The following RASGEF1C variants were observed in gnomAD, a reference collection of about 807,000 sequenced individuals.
RASGEF1C encodes ras-GEF domain-containing family member 1C.
In RASGEF1C, 27 loss-of-function variants were observed where a neutral mutation model predicts 58.1. The observed-to-expected ratio is 0.46, with a 90% CI of 0.34 to 0.64. The LOEUF (loss-of-function observed/expected upper bound fraction) is 0.64. Ranked by LOEUF, RASGEF1C falls within the 30% of genes least tolerant of loss-of-function variation. The probability of loss-of-function intolerance (pLI) is 0.01; values close to 1 mark genes in which losing one functional copy is unlikely to be tolerated. For missense variants in RASGEF1C, 502 were observed against 605.1 expected (o/e 0.83, Z 1.79); for synonymous variants, 243 against 246.3 (o/e 0.99, Z 0.13).
chr5:180,119,662 G>C (rs936497462), intron 7 of RASGEF1C, among the ~76,000 whole-genome samples: 2 of 152,078 alleles, frequency 1.3e-5, no homozygotes, highest in Non-Finnish European at 2.9e-5. Context: ...TGGGGGCACG[G>C]GTACCCCCTG....
intron 1 of RASGEF1C, among the ~76,000 whole-genome samples, chr5:180,206,110 G>T (rs1005813480): frequency 1.3e-5 from 2 of 152,186 alleles, no homozygotes; most frequent in African/African-American, 4.8e-5. Flanking sequence ...AGACAGACCT[G>T]TGAGACACAC....
intron 1 of RASGEF1C, among the ~76,000 whole-genome samples, chr5:180,200,836 G>A (rs1756382404): frequency 6.6e-6 from 1 of 152,160 alleles, no homozygotes; most frequent in African/African-American, 2.4e-5. Flanking sequence ...CCAACCTTCA[G>A]AACCGGCTCC....
At chr5:180,142,666 A>T (rs575648813) in intron 1 of RASGEF1C, among the ~76,000 whole-genome samples, 1 of 152,250 alleles carries the variant, frequency 6.6e-6, no homozygotes, top group African/African-American at 2.4e-5. Flanking sequence ...CACAGAAAAC[A>T]GTGTGGCACA....
intron 1 of RASGEF1C, among the ~76,000 whole-genome samples, chr5:180,207,429 G>C (rs1756508030): frequency 1.3e-5 from 2 of 152,242 alleles, no homozygotes; most frequent in Admixed American, 1.3e-4. Flanking sequence ...AAGGCCCCTT[G>C]GACAAATGGC....
Position 180,118,811 on chromosome 5 carries a change from C to T in RASGEF1C, c.963G>A (p.Arg321=), listed in dbSNP as rs1582265027. Residue 321 remains arginine (R), a synonymous_variant, in exon 9 of 14, where the codon AGG becomes AGA. Transcript: ENST00000361132. ...CCTCGAGGATGAAAAACTTGGCCGT[C>T]CTCACTTTGGCCCAGGTCTTCTTCA... The part of the protein sequence containing the change: ...SRLKKTWAKV[R]TAKFFILEHQ... The T allele has an allele frequency of 8.1e-6, 13 of 1,614,120 alleles. No individual in the cohort carries two copies. The East Asian group carries it at 2.5e-4, about 30-fold the overall frequency.
intron 1 of RASGEF1C, among the ~76,000 whole-genome samples, chr5:180,174,491 CGTGTGTGTCTGTGTGTGCGT>C (rs769949644): frequency 2.8e-5 from 4 of 143,688 alleles, no homozygotes; most frequent in African/African-American, 8.0e-5. Context: ...TGTGTGTGCG[CGTGTGTGTCTGTGTGTGCGT>C]GCGCGTACAC....
chr5:180,179,361 G>A (rs1283695476), intron 1 of RASGEF1C, among the ~76,000 whole-genome samples: 1 of 152,130 alleles, frequency 6.6e-6, no homozygotes, highest in Non-Finnish European at 1.5e-5. Flanking sequence ...ACAGGAGGGG[G>A]CTTGGAAGCC....
rs1339791338 is a variant in RASGEF1C, at chr5:180,137,418, G to GTCC, written c.300+169_300+171dup. ...CTGGAAAACTACATGGAGGTTAAAGGTCCTGTTCTGCTCCTTCTGGCTCTG... is the reference window on the plus strand; with the variant it reads ...CTGGAAAACTACATGGAGGTTAAAGGTCCTCCTGTTCTGCTCCTTCTGGCTCTG... On this transcript the variant is annotated intron_variant, in intron 3 of 13. Transcript: ENST00000361132. This position sits in a 1 kb window ranked among gnomAD's most constrained non-coding sequence, Gnocchi z 4.1. Among the ~76,000 whole-genome samples the GTCC allele has an allele frequency of 6.6e-6, 1 of 152,210 alleles. No homozygotes were observed. The highest frequency in any genetic ancestry group is 2.4e-5 in the African/African-American group (1 of 41,452).
Position 180,155,568 on chromosome 5 carries a change from G to C in RASGEF1C, c.-6-17510C>G, listed in dbSNP as rs767236556. 6.6e-6 allele frequency among the ~76,000 whole-genome samples: 1 copy of C among 152,098 alleles called. No individual in the cohort carries two copies. Among genetic ancestry groups the C allele is most frequent in the Non-Finnish European group, 1.5e-5 (1 of 68,024 alleles). On this transcript the variant is annotated intron_variant, in intron 1 of 13. Coordinates refer to ENST00000361132, the MANE Select transcript of RASGEF1C (RefSeq NM_175062.4). The surrounding 1 kb of genome is among the most constrained non-coding windows in gnomAD (Gnocchi z 5.2). ...TCTCCCTCAGGAAGCTCTTGTTTCT[G>C]ATTGCTCAGGGCCCGGCTTGCAGGC... is the stretch of plus-strand genomic sequence containing the variant.
Position 180,200,796 on chromosome 5 carries a change from C to T in RASGEF1C, c.-7+8232G>A, listed in dbSNP as rs185676658. Among the ~76,000 whole-genome samples, 613 of 152,162 alleles carry T rather than the reference C, an allele frequency of 4.0e-3. 5 individuals carry two copies. The highest frequency in any genetic ancestry group is 0.014 in the African/African-American group (591 of 41,514). On this transcript the variant is annotated intron_variant, in intron 1 of 13. Coordinates refer to ENST00000361132, the MANE Select transcript of RASGEF1C (RefSeq NM_175062.4). ...CAGCATGAGTAGGAGACAGGGCGCGCGCTCCTCTAACTGGTGTGGGCGAGG... is the reference window on the plus strand; with the variant it reads ...CAGCATGAGTAGGAGACAGGGCGCGTGCTCCTCTAACTGGTGTGGGCGAGG...
At chr5:180,182,473 C>G (rs114996260) in intron 1 of RASGEF1C, among the ~76,000 whole-genome samples, 4,363 of 152,242 alleles carry the variant, frequency 0.029, 201 homozygotes, top group African/African-American at 0.1. Context: ...CAGCAGGTTG[C>G]CGCTGTTGGC....
intron 1 of RASGEF1C, among the ~76,000 whole-genome samples, chr5:180,201,258 G>C (rs1219281985): frequency 6.6e-6 from 1 of 152,214 alleles, no homozygotes; most frequent in African/African-American, 2.4e-5. Flanking sequence ...GGCCAGGCAT[G>C]TGGCCTGGAA....
chr5:180,149,303 GT>G (rs1766709800), intron 1 of RASGEF1C, among the ~76,000 whole-genome samples: 1 of 150,938 alleles, frequency 6.6e-6, no homozygotes, highest in Non-Finnish European at 1.5e-5. Context: ...GGCCAGGATG[GT>G]CTCAATATCC....
At chr5:180,161,514 C>T (rs1766943890) in intron 1 of RASGEF1C, among the ~76,000 whole-genome samples, 1 of 152,350 alleles carries the variant, frequency 6.6e-6, no homozygotes, top group South Asian at 2.1e-4. Flanking sequence ...ATCGCCGTGG[C>T]GTCTTGAGGA....
At chr5:180,159,571 T>G (rs1766904802) in intron 1 of RASGEF1C, among the ~76,000 whole-genome samples, 1 of 152,238 alleles carries the variant, frequency 6.6e-6, no homozygotes, top group Non-Finnish European at 1.5e-5. Context: ...CTGGGACTCC[T>G]TGGCCACCAC....
At chr5:180,108,234 CT>C (rs1308830099) in intron 12 of RASGEF1C, among the ~76,000 whole-genome samples, 1 of 149,256 alleles carries the variant, frequency 6.7e-6, no homozygotes, top group Non-Finnish European at 1.5e-5. Flanking sequence ...CAGAGTCTCA[CT>C]CCATGGCCTA....
chr5:180,128,544 C>A lies in RASGEF1C; in HGVS notation c.505G>T (p.Gly169Trp), dbSNP rs1269985848. 6.2e-7 allele frequency: 1 copy of A among 1,614,012 alleles called. No homozygotes were observed. The highest frequency in any genetic ancestry group is 1.3e-5 in the African/African-American group (1 of 74,936). ...LHQKLAALRQ[G>W]PEGLVGADKP... ...TCGGCACCCACCAGACCTTCTGGCC[C>A]CTGGCGCAGAGCCGCCAGCTTCTGG... The change falls in exon 5 of 14, where the codon GGG (glycine) becomes TGG (tryptophan). Residue 169 changes from glycine to tryptophan, a missense_variant. Gly to Trp is a radical substitution (Grantham distance 184). Coordinates refer to ENST00000361132, the MANE Select transcript of RASGEF1C (RefSeq NM_175062.4).
At chr5:180,173,876 G>A (rs146242008) in intron 1 of RASGEF1C, among the ~76,000 whole-genome samples, 33 of 149,072 alleles carry the variant, frequency 2.2e-4, no homozygotes, top group East Asian at 7.9e-4. Context: ...TTGTGCCACT[G>A]CACTCCAGCC....
intron 12 of RASGEF1C, among the ~76,000 whole-genome samples, 198 bp downstream of exon 12, chr5:180,111,259 C>T (rs1298061910): frequency 6.6e-6 from 1 of 152,164 alleles, no homozygotes; most frequent in Non-Finnish European, 1.5e-5. Context: ...GCTTGGACCT[C>T]CTCAGGCCCA....
Sources: allele counts gnomAD v4.1 joint callset (sites outside exome capture counted in the v4.1 genomes callset), GRCh38; gene constraint gnomAD v4.1.1; non-coding constraint Gnocchi (gnomAD v3.1); transcripts MANE v1.5; gene names NCBI Gene and HGNC (gene_info 2026-07-23, HGNC 2026-07-21).